Variants in PSMC3 observed in about 807,000 individuals in gnomAD.
The protein encoded by PSMC3 is proteasome 26S subunit, ATPase 3.
Under a neutral mutation model 52.0 loss-of-function variants are expected in PSMC3, and 11 were observed. The ratio of observed to expected loss-of-function variants is 0.21; its 90% CI spans 0.13 to 0.35. PSMC3 has a LOEUF of 0.35. Among genes scored for constraint, PSMC3 ranks in the 10% least tolerant of loss-of-function variants. The probability of loss-of-function intolerance (pLI) is 1.00; values close to 1 mark genes in which losing one functional copy is unlikely to be tolerated. For synonymous variants in PSMC3, 201 were observed against 218.8 expected (o/e 0.92, Z 0.72); for missense variants, 238 against 567.1 (o/e 0.42, Z 5.89).
chr11:47,423,064 C>T (rs2096042517), intron 6 of PSMC3, 91 bp from the exon 7 acceptor site: 1 of 1,311,334 alleles, frequency 7.6e-7, no homozygotes, highest in East Asian at 2.3e-5. Flanking sequence ...CTGCATCCCT[C>T]CTACTCTAAC....
rs1483571788 is a variant in PSMC3 at position 47,424,691 on chromosome 11, A to G, written c.306T>C (p.Asn102=). Residue 102 remains asparagine (N), a synonymous_variant, in exon 4 of 12, where the codon AAT becomes AAC. Transcript: ENST00000298852. This position sits in a 1 kb window ranked among gnomAD's most constrained non-coding sequence, Gnocchi z 4.8. The stretch of plus-strand genomic sequence containing the variant: ...TATTGGCACCATCCTCCTCTTGGTC[A>G]TTAGGATCAACATCCAGGAGCTGGG... The part of the protein sequence containing the change: ...NVIELLDVDP[N]DQEEDGANID... 1 of 1,613,570 alleles carries G rather than the reference A, an allele frequency of 6.2e-7. No individual in the cohort carries two copies. Among genetic ancestry groups the G allele is most frequent in the South Asian group, 1.1e-5 (1 of 91,074 alleles).
chr11:47,422,093 A>C lies in PSMC3; in HGVS notation c.884+481T>G, dbSNP rs1318997724. Among the ~76,000 whole-genome samples, 9 of 148,904 alleles carry C rather than the reference A, an allele frequency of 6.0e-5. No homozygotes were observed. The Admixed American group carries it at 6.1e-4, about 10-fold the overall frequency. ...GAGTCTCACTCTTTCACCAGGCTGG[A>C]GTGCAGTGGCGCAATCTTGGCTCAC... On this transcript the variant is annotated intron_variant, in intron 8 of 11. Coordinates refer to ENST00000298852, the MANE Select transcript of PSMC3 (RefSeq NM_002804.5). This position sits in a 1 kb window ranked among gnomAD's most constrained non-coding sequence, Gnocchi z 4.3.
intron 10 of PSMC3, 32 bp downstream of exon 10, chr11:47,420,232 G>C: frequency 1.2e-6 from 2 of 1,611,074 alleles, no homozygotes; most frequent in Non-Finnish European, 8.5e-7. Context: ...CGCCTGTTCA[G>C]GTCTCTGTGC....
rs1162993165 is a variant in PSMC3 at position 47,422,436 on chromosome 11, CT to C, written c.884+137del. 90 of 1,044,200 alleles carry C rather than the reference CT, an allele frequency of 8.6e-5. 1 individual carries two copies. In the East Asian group the frequency reaches 2.1e-3, roughly 25 times the overall value. 64.7% of individuals were successfully genotyped at this position (1,044,200 alleles called of 1,614,324 possible). A position where few individuals can be genotyped will look rare whatever the true frequency, so the allele number is the denominator to read the frequency against. Reference sequence around the variant, plus strand: ...TTGATCAGGAGTTAGGAATTGGAATCTCAAGAGTTGAGGAGCCACCATCCAG... The same window carrying C: ...TTGATCAGGAGTTAGGAATTGGAATCCAAGAGTTGAGGAGCCACCATCCAG... On this transcript the variant is annotated intron_variant, in intron 8 of 11. Coordinates refer to ENST00000298852, the MANE Select transcript of PSMC3 (RefSeq NM_002804.5). The surrounding 1 kb of genome is among the most constrained non-coding windows in gnomAD (Gnocchi z 4.3).
intron 9 of PSMC3, 87 bp from the exon 10 acceptor site, chr11:47,420,496 G>A (rs1376669346): frequency 1.3e-6 from 2 of 1,534,098 alleles, no homozygotes; most frequent in East Asian, 2.3e-5. Context: ...GCAGCCCCCA[G>A]AGTGCAGGTG....
intron 1 of PSMC3, 95 bp downstream of exon 1, chr11:47,426,110 G>A (rs1325746512): frequency 6.8e-7 from 1 of 1,463,814 alleles, no homozygotes; most frequent in Admixed American, 2.0e-5. Flanking sequence ...CCGGGATCGG[G>A]CCAGACCTTG....
chr11:47,421,421 T>G (rs2096040332), intron 8 of PSMC3, among the ~76,000 whole-genome samples: 1 of 152,022 alleles, frequency 6.6e-6, no homozygotes, highest in South Asian at 2.1e-4. Flanking sequence ...GAAGTATCCC[T>G]GAGGCTGAGA....
At chr11:47,420,163 G>T in intron 10 of PSMC3, 101 bp downstream of exon 10, 1 of 1,391,120 alleles carries the variant, frequency 7.2e-7, no homozygotes, top group Non-Finnish European at 1.0e-6. Context: ...CCTGGGAGGT[G>T]GTGGTCGTGG....
chr11:47,421,738 C>T (rs910102434), intron 8 of PSMC3, among the ~76,000 whole-genome samples: 17 of 151,918 alleles, frequency 1.1e-4, no homozygotes, highest in African/African-American at 2.4e-4. Context: ...CTGCAACCTC[C>T]GCCTCCCAAG....
rs538831833 is a variant in PSMC3 at position 47,424,366 on chromosome 11, G to A, written c.453+63C>T. 4 of 1,580,632 alleles carry A rather than the reference G, an allele frequency of 2.5e-6. No homozygotes were observed. The highest frequency in any genetic ancestry group is 3.5e-6 in the Non-Finnish European group (4 of 1,150,272). Reference sequence around the variant, plus strand: ...AAGATTCAGAGCCAACAGTGACCTGGGGCGGGTACAGGGGCTCAGCTAGTC... The same window carrying A: ...AAGATTCAGAGCCAACAGTGACCTGAGGCGGGTACAGGGGCTCAGCTAGTC... On this transcript the variant is annotated intron_variant, in intron 5 of 11. Coordinates refer to ENST00000298852, the MANE Select transcript of PSMC3 (RefSeq NM_002804.5). This position sits in a 1 kb window ranked among gnomAD's most constrained non-coding sequence, Gnocchi z 4.8.
intron 1 of PSMC3, 26 bp downstream of exon 1, chr11:47,426,179 G>T: frequency 6.4e-7 from 1 of 1,551,558 alleles, no homozygotes; most frequent in Non-Finnish European, 8.7e-7. Flanking sequence ...CCCGGTTCCC[G>T]GACCGCCAGC....
rs7925299 is a variant in PSMC3, at chr11:47,422,043, G to C, written c.884+531C>G. On this transcript the variant is annotated intron_variant, in intron 8 of 11. Transcript: ENST00000298852. The surrounding 1 kb of genome is among the most constrained non-coding windows in gnomAD (Gnocchi z 4.3). ...TTCCTGCTTTGGCTTTTTTTGTTTT[G>C]TTTTCTTTTTTTTTTTTTGAGACAG... 0.69 allele frequency among the ~76,000 whole-genome samples: 103,024 copies of C among 149,692 alleles called. 35,481 individuals carry two copies. The highest frequency in any genetic ancestry group is 0.74 in the African/African-American group (30,244 of 40,804).
Position 47,424,810 on chromosome 11 carries a change from T to C in PSMC3, c.286-99A>G. 9.2e-7 allele frequency: 1 copy of C among 1,091,028 alleles called. No individual in the cohort carries two copies. Among genetic ancestry groups the C allele is most frequent in the Non-Finnish European group, 1.4e-6 (1 of 723,064 alleles). The allele number at this position is 1,091,028 out of a possible 1,614,324, so 67.6% of individuals were successfully genotyped here. A position where few individuals can be genotyped will look rare whatever the true frequency, so the allele number is the denominator to read the frequency against. On this transcript the variant is annotated intron_variant, in intron 3 of 11. Coordinates refer to ENST00000298852, the MANE Select transcript of PSMC3 (RefSeq NM_002804.5). The surrounding 1 kb of genome is among the most constrained non-coding windows in gnomAD (Gnocchi z 4.8). ...GCAGGGCTGGCCATCCTTACCTCCC[T>C]CCTCCAATAGCCCTGAGCCCACCAA...
At chr11:47,423,244 A>G (rs953523976) in intron 6 of PSMC3, among the ~76,000 whole-genome samples, 1 of 146,404 alleles carries the variant, frequency 6.8e-6, no homozygotes, top group African/African-American at 2.7e-5. Context: ...CTAAAAATAC[A>G]AAAACATTAG....
chr11:47,420,735 A>C lies in PSMC3; in HGVS notation c.885-8T>G, dbSNP rs200395366. On this transcript the variant is annotated splice_polypyrimidine_tract_variant and splice_region_variant and intron_variant, in intron 8 of 11. Transcript: ENST00000298852. The stretch of plus-strand genomic sequence containing the variant: ...GCCTTCTCACTGTCAAAGCTAGGGC[A>C]CAGGAAGCCCGAGATGCTGGTGAGG... 5.1e-6 allele frequency: 8 copies of C among 1,555,106 alleles called. No homozygotes were observed. The South Asian group carries it at 8.3e-5, about 16-fold the overall frequency.
At chr11:47,423,228 T>A (rs1299870803) in intron 6 of PSMC3, among the ~76,000 whole-genome samples, 2 of 150,994 alleles carry the variant, frequency 1.3e-5, no homozygotes, top group Non-Finnish European at 2.9e-5. Flanking sequence ...TGAAACTCCG[T>A]CTCTACTAAA....
rs754320420 is a variant in PSMC3, at chr11:47,424,371, G to A, written c.453+58C>T. Reference sequence around the variant, plus strand: ...TCAGAGCCAACAGTGACCTGGGGCGGGTACAGGGGCTCAGCTAGTCACCAG... The same window carrying A: ...TCAGAGCCAACAGTGACCTGGGGCGAGTACAGGGGCTCAGCTAGTCACCAG... On this transcript the variant is annotated intron_variant, in intron 5 of 11. Transcript: ENST00000298852. The surrounding 1 kb of genome is among the most constrained non-coding windows in gnomAD (Gnocchi z 4.8). 5 of 1,587,652 alleles carry A rather than the reference G, an allele frequency of 3.1e-6. No individual in the cohort carries two copies. In the African/African-American group the frequency reaches 5.4e-5, roughly 17 times the overall value.
rs1317158595 is a variant in PSMC3 at position 47,424,994 on chromosome 11, C to T, written c.285+127G>A. The T allele has an allele frequency of 7.2e-7, 1 of 1,396,156 alleles. No homozygotes were observed. The highest frequency in any genetic ancestry group is 2.3e-5 in the East Asian group (1 of 43,304). The allele number at this position is 1,396,156 out of a possible 1,614,324, so 86.5% of individuals were successfully genotyped here. Reference sequence around the variant, plus strand: ...CCCCGTCTTCCCCATGAAAGTGCCCCAGGAGGTGTAGCTCTGACATGCAGT... The same window carrying T: ...CCCCGTCTTCCCCATGAAAGTGCCCTAGGAGGTGTAGCTCTGACATGCAGT... On this transcript the variant is annotated intron_variant, in intron 3 of 11. Transcript: ENST00000298852. The surrounding 1 kb of genome is among the most constrained non-coding windows in gnomAD (Gnocchi z 4.8).
Position 47,422,263 on chromosome 11 carries a change from C to T in PSMC3, c.884+311G>A, listed in dbSNP as rs953960164. Among the ~76,000 whole-genome samples, 29 of 152,030 alleles carry T rather than the reference C, an allele frequency of 1.9e-4. No individual in the cohort carries two copies. Among genetic ancestry groups the T allele is most frequent in the Admixed American group, 6.6e-4 (10 of 15,252 alleles). The stretch of plus-strand genomic sequence containing the variant: ...TTCACCATGTTAGCCAGGATGGTCT[C>T]GATCTCCTGACCTCGTGATCCGCCT... On this transcript the variant is annotated intron_variant, in intron 8 of 11. Transcript: ENST00000298852. This position sits in a 1 kb window ranked among gnomAD's most constrained non-coding sequence, Gnocchi z 4.3.
Sources: gnomAD v4.1 joint callset for allele counts (sites outside exome capture counted in the v4.1 genomes callset) on GRCh38, gnomAD v4.1.1 for gene constraint, Gnocchi (gnomAD v3.1) non-coding constraint, MANE v1.5 for transcripts, NCBI Gene and HGNC (gene_info 2026-07-23, HGNC 2026-07-21) for gene names.